Variants in IGFBP2 observed in about 807,000 individuals in gnomAD.
The protein encoded by IGFBP2 is insulin like growth factor binding protein 2.
In IGFBP2, 12 loss-of-function variants were observed where a neutral mutation model predicts 26.2. The ratio of observed to expected loss-of-function variants is 0.46; its 90% CI spans 0.29 to 0.74. The LOEUF is 0.74. Among genes scored for constraint, IGFBP2 ranks in the 30% least tolerant of loss-of-function variants. The probability of loss-of-function intolerance (pLI) is 0.09; values close to 1 mark genes in which losing one functional copy is unlikely to be tolerated. For missense variants in IGFBP2, 328 were observed against 441.2 expected (o/e 0.74, Z 2.30); for synonymous variants, 189 against 200.6 (o/e 0.94, Z 0.49).
In IGFBP2 at chr2:216,648,899, G is replaced by A. The variant is rs115431509; in HGVS notation, c.443-11658G>A. The stretch of plus-strand genomic sequence containing the variant: ...TGGGATTACAGGCATGAGCCACCGC[G>A]CCCAGCCCTGAGAGGTGACTTTTTT... On this transcript the variant is annotated intron_variant, in intron 1 of 3. Transcript: ENST00000233809. Among the ~76,000 whole-genome samples, 752 of 152,166 alleles carry A rather than the reference G, an allele frequency of 4.9e-3. 5 individuals are homozygous for A. The highest frequency in any genetic ancestry group is 0.037 in the Middle Eastern group (11 of 294).
At chr2:216,644,974 A>G (rs916320852) in intron 1 of IGFBP2, among the ~76,000 whole-genome samples, 1 of 152,234 alleles carries the variant, frequency 6.6e-6, no homozygotes, top group East Asian at 1.9e-4. Context: ...CCTGGGAAGT[A>G]GTAATTAAGG....
intron 1 of IGFBP2, among the ~76,000 whole-genome samples, chr2:216,638,706 C>CT (rs34241189): frequency 0.097 from 14,107 of 145,614 alleles, 843 homozygotes; most frequent in East Asian, 0.26. Context: ...TGTTCAATTT[C>CT]TTTTTTTTTT....
chr2:216,638,503 C>G (rs964069869), intron 1 of IGFBP2, among the ~76,000 whole-genome samples: 1 of 151,856 alleles, frequency 6.6e-6, no homozygotes, highest in Non-Finnish European at 1.5e-5. Flanking sequence ...GAAACTCCGT[C>G]TCAAAAATAA....
intron 1 of IGFBP2, among the ~76,000 whole-genome samples, chr2:216,636,275 AC>A (rs529903550): frequency 6.6e-6 from 1 of 151,044 alleles, no homozygotes; most frequent in Non-Finnish European, 1.5e-5. Context: ...AAGAATGAGC[AC>A]CCCCCCTCCA....
chr2:216,636,404 G>C (rs1227931205), intron 1 of IGFBP2, among the ~76,000 whole-genome samples: 1 of 151,986 alleles, frequency 6.6e-6, no homozygotes, highest in African/African-American at 2.4e-5. Flanking sequence ...TTTGTTCCCG[G>C]GACTCAGGGG....
At chr2:216,648,994 C>T (rs1180948135) in intron 1 of IGFBP2, among the ~76,000 whole-genome samples, 2 of 152,128 alleles carry the variant, frequency 1.3e-5, no homozygotes, top group East Asian at 1.9e-4. Flanking sequence ...CACCCAGAAC[C>T]GTGGGCGGTT....
chr2:216,642,459 G>A (rs945675629), intron 1 of IGFBP2, among the ~76,000 whole-genome samples: 4 of 147,794 alleles, frequency 2.7e-5, no homozygotes, highest in African/African-American at 5.0e-5. Context: ...GGCGCACGCC[G>A]CCACGCTCGG....
At position 216,633,780 on chromosome 2, in the gene IGFBP2, G is replaced by A; in HGVS notation, c.257G>A (p.Cys86Tyr). Residue 86 changes from cysteine (C) to tyrosine (Y), a missense_variant, in exon 1 of 4, where the codon TGC (cysteine) becomes TAC (tyrosine). Transcript: ENST00000233809. ...AELVREPGCG[C>Y]CSVCARLEGE... ...CTCGTCCGGGAGCCGGGCTGCGGCT[G>A]CTGCTCGGTGTGCGCCCGGCTGGAG... The A allele has an allele frequency of 1.4e-6, 2 of 1,404,052 alleles. No individual in the cohort carries two copies. Among genetic ancestry groups the A allele is most frequent in the Middle Eastern group, 2.6e-4 (1 of 3,868 alleles). The allele number at this position is 1,404,052 out of a possible 1,614,324, so 87.0% of individuals were successfully genotyped here.
At chr2:216,638,869 T>C (rs1360082034) in intron 1 of IGFBP2, among the ~76,000 whole-genome samples, 3 of 149,074 alleles carry the variant, frequency 2.0e-5, no homozygotes, top group Non-Finnish European at 3.0e-5. Context: ...CCGGCTAACT[T>C]TTTGTATTTT....
intron 3 of IGFBP2, 35 bp downstream of exon 3, chr2:216,662,033 C>T (rs771738183): frequency 1.2e-6 from 2 of 1,609,730 alleles, no homozygotes; most frequent in Non-Finnish European, 1.7e-6. Context: ...AGAGCAGCTC[C>T]TCCTCAGCCC....
At chr2:216,648,893 C>T (rs892251405) in intron 1 of IGFBP2, among the ~76,000 whole-genome samples, 8 of 152,082 alleles carry the variant, frequency 5.3e-5, no homozygotes, top group African/African-American at 1.9e-4. Context: ...AGGCATGAGC[C>T]ACCGCGCCCA....
chr2:216,643,405 G>T (rs189957093), intron 1 of IGFBP2, among the ~76,000 whole-genome samples: 1 of 152,124 alleles, frequency 6.6e-6, no homozygotes, highest in Non-Finnish European at 1.5e-5. Flanking sequence ...CAATGATGCC[G>T]AAGACTTTCT....
At chr2:216,638,801 G>A (rs960056191) in intron 1 of IGFBP2, among the ~76,000 whole-genome samples, 5 of 151,390 alleles carry the variant, frequency 3.3e-5, no homozygotes, top group South Asian at 2.1e-4. Flanking sequence ...CTGGGTTCAC[G>A]CCATTCTCCT....
intron 1 of IGFBP2, among the ~76,000 whole-genome samples, chr2:216,638,570 C>T (rs1697548250): frequency 1.3e-5 from 2 of 152,186 alleles, no homozygotes; most frequent in African/African-American, 4.8e-5. Flanking sequence ...GGAGCATATC[C>T]ATTCACTCAT....
chr2:216,664,175 G>A lies in IGFBP2; in HGVS notation c.*71G>A. The A allele has an allele frequency of 7.6e-7, 1 of 1,309,782 alleles. No homozygotes were observed. Among genetic ancestry groups the A allele is most frequent in the Non-Finnish European group, 1.0e-6 (1 of 968,584 alleles). 81.1% of individuals were successfully genotyped at this position (1,309,782 alleles called of 1,614,324 possible). ...CAAACACCGGCAGAAAACGGAGAGT[G>A]CTTGGGTGGTGGGTGCTGGAGGATT... On this transcript the variant is annotated 3_prime_UTR_variant, in exon 4 of 4. Transcript: ENST00000233809. This position sits in a 1 kb window ranked among gnomAD's most constrained non-coding sequence, Gnocchi z 4.6.
intron 1 of IGFBP2, among the ~76,000 whole-genome samples, chr2:216,651,096 T>TG (rs1697814293): frequency 6.6e-6 from 1 of 151,710 alleles, no homozygotes; most frequent in African/African-American, 2.4e-5. Flanking sequence ...TCTGACCTTT[T>TG]GAAAAAAAAA....
chr2:216,663,501 C>T (rs1198978159), intron 3 of IGFBP2: 1 of 155,180 alleles, frequency 6.4e-6, no homozygotes, highest in African/African-American at 2.4e-5. Context: ...AGAAACTGAA[C>T]TAGCAGTGTG....
At chr2:216,646,718 A>T (rs1054287388) in intron 1 of IGFBP2, among the ~76,000 whole-genome samples, 1 of 152,206 alleles carries the variant, frequency 6.6e-6, no homozygotes, top group African/African-American at 2.4e-5. Flanking sequence ...ACTCCCCTTT[A>T]TAAAACCATC....
Position 216,633,493 on chromosome 2 carries a change from C to G in IGFBP2, c.-31C>G, listed in dbSNP as rs1048695276. 3 of 626,228 alleles carry G rather than the reference C, an allele frequency of 4.8e-6. No homozygotes were observed. The highest frequency in any genetic ancestry group is 6.7e-5 in the South Asian group (1 of 14,956). 38.8% of individuals were successfully genotyped at this position (626,228 alleles called of 1,614,324 possible). A position where few individuals can be genotyped will look rare whatever the true frequency, so the allele number is the denominator to read the frequency against. On this transcript the variant is annotated 5_prime_UTR_variant, in exon 1 of 4. Transcript: ENST00000233809. The stretch of plus-strand genomic sequence containing the variant: ...CTGCCCGCCCGCCCGCTCGCTCGCT[C>G]GCCCGCCGCGCCGCGCTGCCGACCG...
Sources: gnomAD v4.1 joint callset for allele counts (sites outside exome capture counted in the v4.1 genomes callset) on GRCh38, gnomAD v4.1.1 for gene constraint, Gnocchi (gnomAD v3.1) non-coding constraint, MANE v1.5 for transcripts, NCBI Gene and HGNC (gene_info 2026-07-23, HGNC 2026-07-21) for gene names.